The following PAPPA2 variants were observed in gnomAD, a reference collection of about 807,000 sequenced individuals.
The protein encoded by PAPPA2 is pappalysin-2.
A neutral mutation model predicts 176.4 loss-of-function variants in PAPPA2; 86 were observed. The observed-to-expected ratio is 0.49, with a 90% CI of 0.41 to 0.58. The LOEUF (loss-of-function observed/expected upper bound fraction) is 0.58. PAPPA2 is among the 20% of genes least tolerant of loss of function. PAPPA2 has a pLI of 0.00. For missense variants in PAPPA2, 2,073 were observed against 2,256.9 expected (o/e 0.92, Z 1.65); for synonymous variants, 809 against 852.2 (o/e 0.95, Z 0.88).
chr1:176,739,870 C>T (rs1295939446), intron 13 of PAPPA2, 109 bp downstream of exon 13: 3 of 1,560,530 alleles, frequency 1.9e-6, no homozygotes, highest in Non-Finnish European at 2.6e-6. Flanking sequence ...CTACATCATA[C>T]ATCTAGGTTT....
intron 1 of PAPPA2, among the ~76,000 whole-genome samples, chr1:176,530,661 G>T (rs1186187960): frequency 6.6e-6 from 1 of 152,036 alleles, no homozygotes; most frequent in Non-Finnish European, 1.5e-5. Context: ...GTAGAAAGAA[G>T]CTGAGACTAA....
chr1:176,791,445 T>C lies in PAPPA2; in HGVS notation c.4983T>C (p.Asn1661=). ...GECPPPPSEL[N]SVEYKCEQGY... is the part of the protein sequence containing the mutation. ...GCCCACCACCCCCCTCAGAGCTGAA[T>C]TCTGTGGAGTACAAATGTGAACAAG... The change falls in exon 19 of 23, where the codon AAT becomes AAC. Residue 1661 remains asparagine (N), a synonymous_variant. Transcript: ENST00000367662. The C allele has an allele frequency of 6.2e-7, 1 of 1,613,902 alleles. No individual in the cohort carries two copies. Among genetic ancestry groups the C allele is most frequent in the Non-Finnish European group, 8.5e-7 (1 of 1,179,804 alleles).
intron 1 of PAPPA2, among the ~76,000 whole-genome samples, chr1:176,479,482 A>G (rs1652286046): frequency 6.6e-6 from 1 of 152,150 alleles, no homozygotes; most frequent in Non-Finnish European, 1.5e-5. Flanking sequence ...CATCCCTAGG[A>G]AATTGCACCC....
intron 1 of PAPPA2, among the ~76,000 whole-genome samples, chr1:176,496,010 A>C (rs1158690075): frequency 6.6e-6 from 1 of 152,190 alleles, no homozygotes; most frequent in Non-Finnish European, 1.5e-5. Context: ...TATTCAACTA[A>C]TGTTTCTGTA....
chr1:176,540,790 C>A (rs1181976049), intron 1 of PAPPA2, among the ~76,000 whole-genome samples: 1 of 152,142 alleles, frequency 6.6e-6, no homozygotes, highest in Non-Finnish European at 1.5e-5. Flanking sequence ...AGAGCTCCAA[C>A]ACCCCCCAGC....
At chr1:176,507,427 C>T (rs868075570) in intron 1 of PAPPA2, among the ~76,000 whole-genome samples, 1 of 152,178 alleles carries the variant, frequency 6.6e-6, no homozygotes, top group Non-Finnish European at 1.5e-5. Flanking sequence ...CCAACAATCT[C>T]ATTACTGGGT....
chr1:176,642,780 A>G (rs1657171252), intron 3 of PAPPA2, among the ~76,000 whole-genome samples: 1 of 151,920 alleles, frequency 6.6e-6, no homozygotes, highest in Admixed American at 6.6e-5. Context: ...TCAAGTTTCT[A>G]CTTAGGGTAA....
At chr1:176,772,584 C>A (rs1014212587) in intron 17 of PAPPA2, among the ~76,000 whole-genome samples, 2 of 152,128 alleles carry the variant, frequency 1.3e-5, no homozygotes, top group Non-Finnish European at 1.5e-5. Context: ...CAAGCCCATA[C>A]CCTGCCCTTT....
At chr1:176,810,681 T>C in intron 21 of PAPPA2, among the ~76,000 whole-genome samples, 1 of 152,114 alleles carries the variant, frequency 6.6e-6, no homozygotes, top group South Asian at 2.1e-4. Flanking sequence ...TCTGGACCAG[T>C]GGCAGCAGCC....
intron 17 of PAPPA2, 136 bp from the exon 18 acceptor site, chr1:176,789,673 C>A: frequency 2.3e-6 from 2 of 855,522 alleles, no homozygotes; most frequent in Non-Finnish European, 3.7e-6. Context: ...TAGCCTAGGA[C>A]AGTGGGACAT....
At chr1:176,582,003 A>T (rs1458432690) in intron 2 of PAPPA2, among the ~76,000 whole-genome samples, 1 of 145,910 alleles carries the variant, frequency 6.9e-6, no homozygotes, top group Non-Finnish European at 1.5e-5. Context: ...GGCTCACTGC[A>T]AGCTCCGCCT....
At chr1:176,559,722 C>T (rs929886724) in intron 2 of PAPPA2, among the ~76,000 whole-genome samples, 6 of 152,206 alleles carry the variant, frequency 3.9e-5, no homozygotes, top group Non-Finnish European at 8.8e-5. Flanking sequence ...GAATCATGTC[C>T]CTGGGAGCCA....
intron 1 of PAPPA2, among the ~76,000 whole-genome samples, chr1:176,545,239 G>A (rs141889975): frequency 1.3e-5 from 2 of 152,096 alleles, no homozygotes; most frequent in Admixed American, 1.3e-4. Context: ...AGGTGTGATT[G>A]AAGGAGCTTG....
At chr1:176,481,858 C>A (rs983703745) in intron 1 of PAPPA2, among the ~76,000 whole-genome samples, 1 of 152,052 alleles carries the variant, frequency 6.6e-6, no homozygotes, top group Admixed American at 6.5e-5. Context: ...GTGTGCACCA[C>A]TATGCCTGGC....
intron 3 of PAPPA2, among the ~76,000 whole-genome samples, chr1:176,646,172 A>C (rs1324575400): frequency 6.6e-6 from 1 of 151,576 alleles, no homozygotes; most frequent in Non-Finnish European, 1.5e-5. Flanking sequence ...TAAACTGGGC[A>C]AATGTCCTAG....
chr1:176,604,022 C>G (rs1654475447), intron 3 of PAPPA2, among the ~76,000 whole-genome samples: 1 of 152,214 alleles, frequency 6.6e-6, no homozygotes, highest in Non-Finnish European at 1.5e-5. Flanking sequence ...TTATTGCACT[C>G]CAGCCACACT....
At chr1:176,695,994 G>GTA in intron 7 of PAPPA2, 135 bp downstream of exon 7, 1 of 1,085,778 alleles carries the variant, frequency 9.2e-7, no homozygotes, top group Non-Finnish European at 1.3e-6. Flanking sequence ...GTGTGTGTGT[G>GTA]TGTGTGTGTG....
chr1:176,587,869 A>T (rs574065691), intron 2 of PAPPA2, among the ~76,000 whole-genome samples: 7 of 152,254 alleles, frequency 4.6e-5, no homozygotes, highest in African/African-American at 9.6e-5. Context: ...CGTTGTGCAC[A>T]TGTACCCTAG....
At chr1:176,696,361 G>C (rs1408772504) in intron 7 of PAPPA2, among the ~76,000 whole-genome samples, 1 of 149,072 alleles carries the variant, frequency 6.7e-6, no homozygotes, top group African/African-American at 2.5e-5. Context: ...GCAAGTCTGG[G>C]TGGGGGTGGG....
Sources: allele counts gnomAD v4.1 joint callset (sites outside exome capture counted in the v4.1 genomes callset), GRCh38; gene constraint gnomAD v4.1.1; transcripts MANE v1.5; gene names NCBI Gene and HGNC (gene_info 2026-07-23, HGNC 2026-07-21).